IL1RAPL2: variants seen among roughly 807,000 people sequenced by gnomAD.
The protein encoded by IL1RAPL2 is interleukin 1 receptor accessory protein like 2, also known as X-linked interleukin-1 receptor accessory protein-like 2.
In IL1RAPL2, 3 loss-of-function variants were observed where a neutral mutation model predicts 44.1. The ratio of observed to expected loss-of-function variants is 0.07; its 90% CI spans 0.03 to 0.18. IL1RAPL2 has a LOEUF of 0.18. Among genes scored for constraint, IL1RAPL2 ranks in the 10% least tolerant of loss-of-function variants. IL1RAPL2 has a pLI of 1.00. For synonymous variants in IL1RAPL2, 181 were observed against 178.8 expected, an observed-to-expected ratio of 1.01 and a Z score of -0.10; for missense variants, 391 against 496.4, an observed-to-expected ratio of 0.79 and a Z score of 2.02.
At position 105,387,469 on chromosome X, in the gene IL1RAPL2, G is replaced by A. The variant is rs557105828; in HGVS notation, c.698-96844G>A. Among the ~76,000 whole-genome samples, 318 of 109,814 alleles carry A rather than the reference G, an allele frequency of 2.9e-3. 1 individual carries two copies. In the Middle Eastern group the frequency reaches 0.052, roughly 18 times the overall value. ...AGGCTGGTCTCGAACTCTTGACCTG[G>A]TGATCCACCCGCCTCGGCCTCCCAA... On this transcript the variant is annotated intron_variant, in intron 5 of 10. Transcript: ENST00000372582.
intron 6 of IL1RAPL2, among the ~76,000 whole-genome samples, chrX:105,508,728 CTA>C (rs1178698891): frequency 1.8e-5 from 2 of 109,434 alleles, no homozygotes; most frequent in Non-Finnish European, 3.8e-5. Context: ...CCATTCCTCT[CTA>C]TGTTCAACAC....
At chrX:104,661,186 A>C (rs1269421923) in intron 2 of IL1RAPL2, among the ~76,000 whole-genome samples, 1 of 111,338 alleles carries the variant, frequency 9.0e-6, no homozygotes, top group East Asian at 2.8e-4. Context: ...ACTTACAGTC[A>C]AAGTGTTAGA....
chrX:105,134,618 G>A (rs1347221803), intron 2 of IL1RAPL2, among the ~76,000 whole-genome samples: 1 of 111,403 alleles, frequency 9.0e-6, no homozygotes, highest in Non-Finnish European at 1.9e-5. Context: ...ATCTGAGGGT[G>A]AGGAGAGACT....
At chrX:105,161,149 G>A (rs1311152875) in intron 2 of IL1RAPL2, among the ~76,000 whole-genome samples, 1 of 110,219 alleles carries the variant, frequency 9.1e-6, no homozygotes, top group Non-Finnish European at 1.9e-5. Context: ...AGCTGAAGCC[G>A]GAGGGTTGCA....
intron 2 of IL1RAPL2, among the ~76,000 whole-genome samples, chrX:104,908,315 T>G (rs1160562187): frequency 9.0e-6 from 1 of 111,539 alleles, no homozygotes; most frequent in Non-Finnish European, 1.9e-5. Context: ...TTAAAGTTAA[T>G]ATTGTTATGT....
At chrX:104,950,935 G>C (rs1291453184) in intron 2 of IL1RAPL2, among the ~76,000 whole-genome samples, 2 of 111,434 alleles carry the variant, frequency 1.8e-5, no homozygotes, top group Non-Finnish European at 3.8e-5. Flanking sequence ...GGAGTGACCT[G>C]ATTTTCCAGG....
chrX:104,983,283 A>G (rs1055807108), intron 2 of IL1RAPL2, among the ~76,000 whole-genome samples: 2 of 106,526 alleles, frequency 1.9e-5, no homozygotes, highest in Non-Finnish European at 3.9e-5. Context: ...ACAGGGAGGT[A>G]AAAAACATGG....
intron 2 of IL1RAPL2, among the ~76,000 whole-genome samples, chrX:104,882,176 T>C (rs1408178666): frequency 8.9e-6 from 1 of 111,933 alleles, no homozygotes; most frequent in African/African-American, 3.2e-5. Context: ...GATATACAAA[T>C]GCTGAAAAAA....
At chrX:104,928,305 T>C (rs1354613865) in intron 2 of IL1RAPL2, among the ~76,000 whole-genome samples, 1 of 112,067 alleles carries the variant, frequency 8.9e-6, no homozygotes, top group Non-Finnish European at 1.9e-5. Context: ...AGATTCATTA[T>C]AGATATTAGT....
intron 6 of IL1RAPL2, among the ~76,000 whole-genome samples, chrX:105,580,636 C>T (rs1250280431): frequency 2.7e-5 from 3 of 111,077 alleles, no homozygotes; most frequent in East Asian, 2.9e-4. Flanking sequence ...GACAAACAAA[C>T]AAATCTGTCA....
chrX:104,647,217 G>C (rs1162835023), intron 1 of IL1RAPL2: 1 of 345,185 alleles, frequency 2.9e-6, no homozygotes, highest in Non-Finnish European at 5.5e-6. Context: ...GACAGCTGGA[G>C]GAGGCAGGTA....
intron 3 of IL1RAPL2, among the ~76,000 whole-genome samples, chrX:105,218,636 ATT>A (rs1569405834): frequency 9.1e-6 from 1 of 110,365 alleles, no homozygotes; most frequent in Non-Finnish European, 1.9e-5. Context: ...CTTCTGGGGT[ATT>A]GAGTGCAAGT....
chrX:105,691,633 T>C (rs1333845471), intron 6 of IL1RAPL2, among the ~76,000 whole-genome samples: 1 of 111,981 alleles, frequency 8.9e-6, no homozygotes, highest in African/African-American at 3.2e-5. Flanking sequence ...TGGATTAAAC[T>C]GTTAAAAGAT....
chrX:105,732,011 C>CA (rs1491478111), intron 7 of IL1RAPL2, among the ~76,000 whole-genome samples: 1 of 111,279 alleles, frequency 9.0e-6, no homozygotes, highest in East Asian at 2.8e-4. Flanking sequence ...TAAATACCCT[C>CA]AGTTGATTAT....
intron 6 of IL1RAPL2, among the ~76,000 whole-genome samples, chrX:105,594,823 G>C (rs1187989032): frequency 9.0e-6 from 1 of 111,138 alleles, no homozygotes; most frequent in African/African-American, 3.3e-5. Context: ...TTATAAATGG[G>C]AACTAAGCAT....
At chrX:104,970,901 C>T (rs779009307) in intron 2 of IL1RAPL2, among the ~76,000 whole-genome samples, 67 of 112,208 alleles carry the variant, frequency 6.0e-4, no homozygotes, top group South Asian at 1.9e-3. Context: ...ACAGGCAAGA[C>T]GCTTTTACTC....
At chrX:104,629,927 T>C (rs1012856142) in intron 1 of IL1RAPL2, among the ~76,000 whole-genome samples, 1 of 112,125 alleles carries the variant, frequency 8.9e-6, no homozygotes, top group African/African-American at 3.2e-5. Context: ...TTGGTTACTA[T>C]AGTGTTGTAA....
intron 1 of IL1RAPL2, among the ~76,000 whole-genome samples, chrX:104,637,286 C>G (rs1308935569): frequency 9.0e-6 from 1 of 111,286 alleles, no homozygotes; most frequent in African/African-American, 3.3e-5. Flanking sequence ...TTGACTTCCT[C>G]TGTTCCAATT....
chrX:105,092,250 T>C (rs1431214159), intron 2 of IL1RAPL2, among the ~76,000 whole-genome samples: 6 of 111,611 alleles, frequency 5.4e-5, no homozygotes, highest in Non-Finnish European at 9.4e-5. Context: ...CTTTGGATGA[T>C]TCCCAAAACC....
Sources: gnomAD v4.1 joint callset for allele counts (sites outside exome capture counted in the v4.1 genomes callset) on GRCh38, gnomAD v4.1.1 for gene constraint, MANE v1.5 for transcripts, NCBI Gene and HGNC (gene_info 2026-07-23, HGNC 2026-07-21) for gene names.